The following TBCEL variants were observed in gnomAD, a reference collection of about 807,000 sequenced individuals.
TBCEL encodes the protein tubulin-specific chaperone cofactor E-like protein.
A neutral mutation model predicts 44.2 loss-of-function variants in TBCEL; 15 were observed. The observed-to-expected ratio is 0.34, with a 90% CI of 0.23 to 0.52. The LOEUF is 0.52. TBCEL is among the 20% of genes least tolerant of loss of function. TBCEL has a pLI of 0.95. For missense variants in TBCEL, 319 were observed against 506.3 expected, an observed-to-expected ratio of 0.63 and a Z score of 3.55; for synonymous variants, 171 against 185.4, an observed-to-expected ratio of 0.92 and a Z score of 0.63.
At chr11:121,081,401 T>G (rs974462574) in intron 8 of TBCEL, among the ~76,000 whole-genome samples, 2 of 152,238 alleles carry the variant, frequency 1.3e-5, no homozygotes, top group African/African-American at 4.8e-5. Context: ...AAAGTAGGTT[T>G]ATAACACTTT....
At chr11:121,033,661 C>T (rs1000397335) in intron 1 of TBCEL, among the ~76,000 whole-genome samples, 5 of 152,076 alleles carry the variant, frequency 3.3e-5, no homozygotes, top group Admixed American at 2.0e-4. Context: ...GTAAAATGTA[C>T]GTAACATAAA....
At position 121,053,570 on chromosome 11, in the gene TBCEL, A is replaced by G; in HGVS notation, c.293A>G (p.Asn98Ser). Residue 98 changes from asparagine (N) to serine (S), a missense_variant, in exon 5 of 9, where the codon AAT becomes AGT. By Grantham distance (46) the Asn-to-Ser change is conservative. Transcript: ENST00000683345. ...CCTTAGGTCAGTAAAATTGTGTCAA[A>G]TGTTCCTCAGTTGGAGTTTCTAAAC... ...DWHEVSKIVS[N>S]VPQLEFLNLS... 1.2e-6 allele frequency: 2 copies of G among 1,612,060 alleles called. No individual in the cohort carries two copies. Among genetic ancestry groups the G allele is most frequent in the Non-Finnish European group, 1.7e-6 (2 of 1,178,746 alleles).
intron 7 of TBCEL, among the ~76,000 whole-genome samples, 168 bp downstream of exon 7, chr11:121,058,639 G>A (rs534663368): frequency 1.3e-5 from 2 of 151,972 alleles, no homozygotes; most frequent in East Asian, 1.9e-4. Flanking sequence ...AAAGGAATGC[G>A]AGCACTATGA....
At chr11:121,046,961 A>G (rs1945441946) in intron 3 of TBCEL, among the ~76,000 whole-genome samples, 1 of 151,254 alleles carries the variant, frequency 6.6e-6, no homozygotes, top group African/African-American at 2.4e-5. Flanking sequence ...TTGATAGACA[A>G]GAGAGAGAGA....
chr11:121,034,417 T>G (rs969602610), intron 1 of TBCEL, among the ~76,000 whole-genome samples: 1 of 152,210 alleles, frequency 6.6e-6, no homozygotes, highest in Non-Finnish European at 1.5e-5. Context: ...TGATGGCACC[T>G]CTTTTGGAAT....
chr11:121,073,783 T>G (rs1386767674), intron 8 of TBCEL, among the ~76,000 whole-genome samples: 1 of 151,932 alleles, frequency 6.6e-6, no homozygotes, highest in Non-Finnish European at 1.5e-5. Context: ...TTATTACGAG[T>G]AGACATTGAA....
chr11:121,076,859 C>G (rs531782790), intron 8 of TBCEL, among the ~76,000 whole-genome samples: 7 of 152,000 alleles, frequency 4.6e-5, no homozygotes, highest in Non-Finnish European at 1.0e-4. Context: ...TGGAGCTTTT[C>G]ATGAATGGGT....
intron 6 of TBCEL, among the ~76,000 whole-genome samples, chr11:121,056,380 A>G (rs1945621204): frequency 2.0e-5 from 3 of 151,716 alleles, no homozygotes; most frequent in South Asian, 4.2e-4. Context: ...CTACTCACCT[A>G]CTTACTGAAG....
chr11:121,036,641 T>C (rs1591381815), intron 2 of TBCEL, 29 bp downstream of exon 2: 1 of 152,216 alleles, frequency 6.6e-6, no homozygotes, highest in Admixed American at 6.5e-5. Context: ...TAGTATTGTC[T>C]TAATTTTTTT....
intron 2 of TBCEL, among the ~76,000 whole-genome samples, chr11:121,037,048 T>C (rs1945244111): frequency 6.6e-6 from 1 of 152,124 alleles, no homozygotes; most frequent in African/African-American, 2.4e-5. Context: ...AAAGGAATGA[T>C]CAGGAGTCCA....
intron 1 of TBCEL, among the ~76,000 whole-genome samples, chr11:121,031,642 A>G (rs1166303913): frequency 6.7e-6 from 1 of 149,968 alleles, no homozygotes; most frequent in Admixed American, 6.6e-5. Flanking sequence ...TTGATGATTG[A>G]AAGTATTTCT....
At chr11:121,072,049 C>G (rs1018977660) in intron 8 of TBCEL, among the ~76,000 whole-genome samples, 2 of 152,186 alleles carry the variant, frequency 1.3e-5, no homozygotes, top group African/African-American at 4.8e-5. Context: ...CATTCTCCTT[C>G]GTGCACCATG....
At chr11:121,034,078 TA>T (rs2134886201) in intron 1 of TBCEL, among the ~76,000 whole-genome samples, 1 of 152,242 alleles carries the variant, frequency 6.6e-6, no homozygotes, top group South Asian at 2.1e-4. Context: ...GGTGTACAAA[TA>T]AGTTTTGACT....
chr11:121,074,068 C>T (rs1038897723), intron 8 of TBCEL, among the ~76,000 whole-genome samples: 8 of 151,724 alleles, frequency 5.3e-5, no homozygotes, highest in Admixed American at 2.6e-4. Flanking sequence ...GAATTGAGTT[C>T]GTGATTTCAT....
intron 8 of TBCEL, among the ~76,000 whole-genome samples, chr11:121,074,771 T>C (rs1382416203): frequency 6.6e-6 from 1 of 151,982 alleles, no homozygotes; most frequent in Non-Finnish European, 1.5e-5. Context: ...CTGATCTGTT[T>C]TCTGTCCCTG....
chr11:121,036,255 A>G (rs1267813379), intron 1 of TBCEL: 1 of 152,210 alleles, frequency 6.6e-6, no homozygotes, highest in Admixed American at 6.5e-5. Flanking sequence ...TCCTGCTTTG[A>G]ATAAATGCAA....
intron 8 of TBCEL, among the ~76,000 whole-genome samples, chr11:121,070,429 G>A (rs1945907400): frequency 6.6e-6 from 1 of 152,108 alleles, no homozygotes; most frequent in African/African-American, 2.4e-5. Flanking sequence ...CACTGTTCAC[G>A]ATAGCAAAGA....
chr11:121,081,872 CTT>C (rs1946132706), intron 8 of TBCEL, among the ~76,000 whole-genome samples: 1 of 152,088 alleles, frequency 6.6e-6, no homozygotes, highest in Non-Finnish European at 1.5e-5. Flanking sequence ...CTCTAGTACT[CTT>C]TCTTCTTTTG....
chr11:121,026,730 T>G (rs1454754827), intron 1 of TBCEL, among the ~76,000 whole-genome samples: 1 of 152,250 alleles, frequency 6.6e-6, no homozygotes, highest in Non-Finnish European at 1.5e-5. Flanking sequence ...AAAAATGACC[T>G]CTTAATCAGG....
Sources: allele counts gnomAD v4.1 joint callset (sites outside exome capture counted in the v4.1 genomes callset), GRCh38; gene constraint gnomAD v4.1.1; transcripts MANE v1.5; gene names NCBI Gene and HGNC (gene_info 2026-07-23, HGNC 2026-07-21).